Variants in ZSCAN30 observed in about 807,000 individuals in gnomAD.
ZSCAN30 encodes zinc finger and SCAN domain-containing protein 30.
A neutral mutation model predicts 44.3 loss-of-function variants in ZSCAN30; 37 were observed. The observed-to-expected ratio is 0.84, with a 90% CI of 0.64 to 1.10. ZSCAN30 has a LOEUF of 1.10. ZSCAN30 is among the 50% of genes least tolerant of loss of function. The pLI is 0.00. For missense variants in ZSCAN30, 549 were observed against 582.6 expected (o/e 0.94, Z 0.59); for synonymous variants, 181 against 204.6 (o/e 0.88, Z 0.98).
At chr18:35,278,575 T>C (rs1421588587) in intron 1 of ZSCAN30, among the ~76,000 whole-genome samples, 2 of 152,204 alleles carry the variant, frequency 1.3e-5, no homozygotes, top group African/African-American at 4.8e-5. Context: ...CCTAATCGCT[T>C]CACCAAAACG....
intron 1 of ZSCAN30, among the ~76,000 whole-genome samples, chr18:35,265,622 T>C (rs928674346): frequency 2.6e-5 from 4 of 152,272 alleles, no homozygotes; most frequent in South Asian, 2.1e-4. Flanking sequence ...AAGGTGAATG[T>C]AGAAACAAGG....
intron 3 of ZSCAN30, chr18:35,257,895 C>T (rs1351932279): frequency 1.3e-6 from 1 of 780,940 alleles, no homozygotes; most frequent in Non-Finnish European, 2.4e-6. Context: ...GCTCTTTTCC[C>T]TTCCTAATCC....
intron 3 of ZSCAN30, chr18:35,258,724 G>GC (rs2043927797): frequency 6.6e-6 from 1 of 151,862 alleles, no homozygotes; most frequent in Non-Finnish European, 1.5e-5. Flanking sequence ...ACAAAAATTA[G>GC]CCAGGCGTGG....
rs1307947593 is a variant in ZSCAN30, at chr18:35,251,814, A to T, written c.*1636T>A. 6.6e-6 allele frequency: 1 copy of T among 150,980 alleles called. No homozygotes were observed. The highest frequency in any genetic ancestry group is 2.5e-5 in the African/African-American group (1 of 40,478). 9.4% of individuals were successfully genotyped at this position (150,980 alleles called of 1,614,324 possible). ...TTAAACCTCTTTTTTTTTTTTAATAAATTACCCAGTATCAGGTAGTATCTT... is the reference window on the plus strand; with the variant it reads ...TTAAACCTCTTTTTTTTTTTTAATATATTACCCAGTATCAGGTAGTATCTT... On this transcript the variant is annotated 3_prime_UTR_variant, in exon 4 of 4. Coordinates refer to ENST00000333206, the MANE Select transcript of ZSCAN30 (RefSeq NM_001112734.4).
chr18:35,263,795 T>C, intron 2 of ZSCAN30, 138 bp from the exon 3 acceptor site: 2 of 1,378,396 alleles, frequency 1.5e-6, no homozygotes, highest in Non-Finnish European at 2.0e-6. Context: ...TTAAGAGCCC[T>C]AGTGACTTGA....
intron 1 of ZSCAN30, among the ~76,000 whole-genome samples, chr18:35,274,595 C>A (rs1310398519): frequency 2.0e-5 from 3 of 152,186 alleles, no homozygotes; most frequent in Admixed American, 6.5e-5. Flanking sequence ...ACTTTCTTCT[C>A]TCTAGTCCTA....
chr18:35,270,756 G>A (rs1373115679), intron 1 of ZSCAN30, among the ~76,000 whole-genome samples: 3 of 152,166 alleles, frequency 2.0e-5, no homozygotes, highest in East Asian at 1.9e-4. Context: ...GAATTGGTGG[G>A]TTCTTGATCT....
At chr18:35,263,760 G>T in intron 2 of ZSCAN30, 103 bp from the exon 3 acceptor site, 2 of 1,450,348 alleles carry the variant, frequency 1.4e-6, no homozygotes, top group Non-Finnish European at 1.9e-6. Flanking sequence ...TCATTCAAAT[G>T]ATTAGAGAGA....
intron 1 of ZSCAN30, among the ~76,000 whole-genome samples, chr18:35,276,843 C>T (rs2044375307): frequency 6.6e-6 from 1 of 152,200 alleles, no homozygotes; most frequent in Admixed American, 6.5e-5. Context: ...GACCTCTGTC[C>T]TCCAGACCCC....
At chr18:35,285,917 G>T (rs1233352154) in intron 1 of ZSCAN30, among the ~76,000 whole-genome samples, 2 of 152,088 alleles carry the variant, frequency 1.3e-5, no homozygotes, top group African/African-American at 4.8e-5. Context: ...TGAAAAGCTG[G>T]TTCTCTGTAA....
intron 1 of ZSCAN30, chr18:35,283,643 G>C (rs1399670760): frequency 6.6e-6 from 1 of 152,398 alleles, no homozygotes; most frequent in Non-Finnish European, 1.5e-5. Context: ...TACGGGCCCT[G>C]GCTCACTGCA....
chr18:35,258,149 A>C, intron 3 of ZSCAN30: 1 of 614,424 alleles, frequency 1.6e-6, no homozygotes, highest in Non-Finnish European at 2.9e-6. Flanking sequence ...AAGGATCCAC[A>C]TTAATTCTTC....
intron 2 of ZSCAN30, 117 bp from the exon 3 acceptor site, chr18:35,263,774 AAAAC>A (rs2044086475): frequency 2.8e-6 from 4 of 1,419,574 alleles, no homozygotes; most frequent in Admixed American, 4.6e-5. Flanking sequence ...AGAGAGAAAA[AAAAC>A]AGGACCTTAA....
At chr18:35,272,013 ACAGCTCCCCGCAAGCAGAGGGAGC>A (rs1197652119) in intron 1 of ZSCAN30, among the ~76,000 whole-genome samples, 1 of 152,080 alleles carries the variant, frequency 6.6e-6, no homozygotes, top group African/African-American at 2.4e-5. Context: ...CTCTCTCTCC[ACAGCTCCCCGCAAGCAGAGGGAGC>A]CAGCTCCCCC....
At chr18:35,257,343 A>G (rs142793745) in intron 3 of ZSCAN30, 1 of 152,876 alleles carries the variant, frequency 6.5e-6, no homozygotes, top group African/African-American at 2.4e-5. Context: ...GGCTCCTCCA[A>G]TGATGTGAAT....
At chr18:35,284,295 T>C (rs561852711) in intron 1 of ZSCAN30, 4 of 152,598 alleles carry the variant, frequency 2.6e-5, no homozygotes, top group African/African-American at 9.6e-5. Context: ...CACCACCAGT[T>C]CCCCCTCCAG....
chr18:35,260,299 G>GT (rs984290089), intron 3 of ZSCAN30: 3 of 152,262 alleles, frequency 2.0e-5, no homozygotes, highest in Non-Finnish European at 2.9e-5. Context: ...CTTTGCTATT[G>GT]TGAGTAGTAC....
In ZSCAN30 at chr18:35,290,208, A is replaced by T. The variant is rs552220566; in HGVS notation, c.-228T>A. ...CCCTGGCTAAGGCACTGCTAGGGAC[A>T]GCTCGCGGCGGTTCGGGGGTTAATT... On this transcript the variant is annotated 5_prime_UTR_variant, in exon 1 of 4. Transcript: ENST00000333206. The T allele has an allele frequency of 2.0e-5, 3 of 152,316 alleles. No individual in the cohort carries two copies. The highest frequency in any genetic ancestry group is 2.9e-5 in the Non-Finnish European group (2 of 68,146). 9.4% of individuals were successfully genotyped at this position (152,316 alleles called of 1,614,324 possible).
rs1444262942 is a variant in ZSCAN30 at position 35,251,771 on chromosome 18, T to TCC, written c.*1678_*1679insGG. ...AAGTTTCCTGAGGCCTCCCCAGCCC[T>TCC]GCAGAACTGTCAGTCAATTAAACCT... On this transcript the variant is annotated 3_prime_UTR_variant, in exon 4 of 4. Coordinates refer to ENST00000333206, the MANE Select transcript of ZSCAN30 (RefSeq NM_001112734.4). 3.3e-5 allele frequency: 5 copies of TCC among 152,112 alleles called. No individual in the cohort carries two copies. Among genetic ancestry groups the TCC allele is most frequent in the Non-Finnish European group, 7.3e-5 (5 of 68,036 alleles). The allele number at this position is 152,112 out of a possible 1,614,324, so 9.4% of individuals were successfully genotyped here.
Sources: gnomAD v4.1 joint callset for allele counts (sites outside exome capture counted in the v4.1 genomes callset) on GRCh38, gnomAD v4.1.1 for gene constraint, MANE v1.5 for transcripts, NCBI Gene and HGNC (gene_info 2026-07-23, HGNC 2026-07-21) for gene names.